The following ARHGAP18 variants were observed in gnomAD, a reference collection of about 807,000 sequenced individuals.
ARHGAP18 encodes Rho GTPase activating protein 18, also known as rho GTPase-activating protein 18.
Under a neutral mutation model 86.2 loss-of-function variants are expected in ARHGAP18, and 67 were observed. That is an observed-to-expected ratio of 0.78 (90% CI 0.64 to 0.95). The LOEUF (loss-of-function observed/expected upper bound fraction) is 0.95, where lower values mean the gene tolerates loss of function less well. Ranked by LOEUF, ARHGAP18 falls within the 40% of genes least tolerant of loss-of-function variation. The pLI, the probability that ARHGAP18 is intolerant of heterozygous loss-of-function variation, is 0.00. For missense variants in ARHGAP18, 691 were observed against 780.4 expected (o/e 0.89, Z 1.37); for synonymous variants, 283 against 280.4 (o/e 1.01, Z -0.09).
At chr6:129,670,987 A>T (rs1257358780) in intron 1 of ARHGAP18, among the ~76,000 whole-genome samples, 2 of 152,138 alleles carry the variant, frequency 1.3e-5, no homozygotes, top group Non-Finnish European at 2.9e-5. Flanking sequence ...ACCTCTTCAA[A>T]TCATAACATT....
At chr6:129,701,590 T>A (rs1355264019) in intron 1 of ARHGAP18, among the ~76,000 whole-genome samples, 1 of 152,018 alleles carries the variant, frequency 6.6e-6, no homozygotes, top group Non-Finnish European at 1.5e-5. Context: ...ACTAACATGG[T>A]GAAACCCCAT....
At chr6:129,656,918 G>A (rs1172860842) in intron 1 of ARHGAP18, among the ~76,000 whole-genome samples, 3 of 152,154 alleles carry the variant, frequency 2.0e-5, no homozygotes, top group Non-Finnish European at 4.4e-5. Flanking sequence ...TGGCCAATGA[G>A]TTTTACTCCT....
intron 5 of ARHGAP18, among the ~76,000 whole-genome samples, chr6:129,625,089 G>GATATATATTTATATATA (rs1185799367): frequency 1.1e-5 from 1 of 94,230 alleles, no homozygotes; most frequent in African/African-American, 4.2e-5. Context: ...TATGATATAT[G>GATATATATTTATATATA]ATATATGATA....
rs1302949146 is a variant in ARHGAP18 at position 129,641,879 on chromosome 6, T to C, written c.253A>G (p.Ile85Val). Residue 85 changes from isoleucine (I) to valine (V), a missense_variant, in exon 2 of 15, where the codon ATC becomes GTC. By Grantham distance (29) the Ile-to-Val change is conservative. Transcript: ENST00000368149. ...TGGCTGTTTTCACTAGATTTCTTGATGTTTTCTAGTTCTATCCAATAGTCT... is the reference window on the plus strand; with the variant it reads ...TGGCTGTTTTCACTAGATTTCTTGACGTTTTCTAGTTCTATCCAATAGTCT... ...MEDYWIELEN[I>V]KKSSENSQED... 3.1e-6 allele frequency: 5 copies of C among 1,613,910 alleles called. No homozygotes were observed. Among genetic ancestry groups the C allele is most frequent in the Non-Finnish European group, 4.2e-6 (5 of 1,179,934 alleles).
intron 12 of ARHGAP18, among the ~76,000 whole-genome samples, chr6:129,595,864 G>A (rs1788606669): frequency 6.6e-6 from 1 of 151,986 alleles, no homozygotes; most frequent in African/African-American, 2.4e-5. Flanking sequence ...CAATTTCTCA[G>A]GCCAAAAATC....
intron 1 of ARHGAP18, among the ~76,000 whole-genome samples, chr6:129,662,735 T>G (rs1281461933): frequency 2.0e-5 from 3 of 152,208 alleles, no homozygotes; most frequent in Non-Finnish European, 4.4e-5. Flanking sequence ...TATGCCTTAA[T>G]TAATTGGTAC....
intron 6 of ARHGAP18, among the ~76,000 whole-genome samples, chr6:129,618,116 A>AC (rs201846434): frequency 2.0e-5 from 3 of 151,274 alleles, no homozygotes; most frequent in South Asian, 2.1e-4. Flanking sequence ...AAAAAAACAA[A>AC]AAAAAAAAAC....
At chr6:129,627,457 T>TC (rs150808900) in intron 5 of ARHGAP18, among the ~76,000 whole-genome samples, 3,008 of 151,724 alleles carry the variant, frequency 0.02, 89 homozygotes, top group African/African-American at 0.068. Flanking sequence ...TAGTCTTGAC[T>TC]CCCCCCCAAA....
chr6:129,662,568 G>T (rs1016732367), intron 1 of ARHGAP18, among the ~76,000 whole-genome samples: 1 of 152,162 alleles, frequency 6.6e-6, no homozygotes, highest in Non-Finnish European at 1.5e-5. Context: ...TAGTCAGATG[G>T]CCTCCTTCGA....
At chr6:129,694,092 A>G (rs1188425108) in intron 1 of ARHGAP18, among the ~76,000 whole-genome samples, 1 of 152,220 alleles carries the variant, frequency 6.6e-6, no homozygotes, top group Non-Finnish European at 1.5e-5. Flanking sequence ...CCAGACTGGC[A>G]TAACTTTCTC....
At chr6:129,672,097 G>GCA (rs367772541) in intron 1 of ARHGAP18, among the ~76,000 whole-genome samples, 19 of 151,692 alleles carry the variant, frequency 1.3e-4, no homozygotes, top group African/African-American at 2.7e-4. Context: ...ACGTACACGC[G>GCA]CACACACACA....
intron 1 of ARHGAP18, among the ~76,000 whole-genome samples, chr6:129,698,171 G>A (rs948597879): frequency 6.6e-6 from 1 of 152,132 alleles, no homozygotes; most frequent in Non-Finnish European, 1.5e-5. Flanking sequence ...CTCCTTCAGA[G>A]CAGGAATTTG....
chr6:129,655,038 C>T (rs530179385), intron 1 of ARHGAP18, among the ~76,000 whole-genome samples: 102 of 152,162 alleles, frequency 6.7e-4, no homozygotes, highest in African/African-American at 2.2e-3. Context: ...AGGAGAGGCT[C>T]GGCCGGGTGC....
intron 1 of ARHGAP18, among the ~76,000 whole-genome samples, chr6:129,644,776 T>C (rs1773545015): frequency 6.6e-6 from 1 of 152,232 alleles, no homozygotes; most frequent in Admixed American, 6.5e-5. Flanking sequence ...TAAATTTCCA[T>C]TAAGATAGCA....
chr6:129,685,472 A>T (rs1774407811), intron 1 of ARHGAP18, among the ~76,000 whole-genome samples: 1 of 151,906 alleles, frequency 6.6e-6, no homozygotes, highest in Admixed American at 6.6e-5. Flanking sequence ...ACACCACTGC[A>T]CTCCACCCTG....
chr6:129,686,938 C>T (rs1389419906), intron 1 of ARHGAP18, among the ~76,000 whole-genome samples: 1 of 150,564 alleles, frequency 6.6e-6, no homozygotes, highest in African/African-American at 2.4e-5. Context: ...TTACAGGCAC[C>T]GGCCACCACA....
Position 129,672,985 on chromosome 6 carries a change from T to G in ARHGAP18, c.114-30967A>C, listed in dbSNP as rs145570301. On this transcript the variant is annotated intron_variant, in intron 1 of 14. Coordinates refer to ENST00000368149, the MANE Select transcript of ARHGAP18 (RefSeq NM_033515.3). ...AACTCAGAGAAGGGAGCAAGCAGTC[T>G]CCAGTGATATAACCAGTTGTCTGCA... Among the ~76,000 whole-genome samples, 23 of 152,274 alleles carry G rather than the reference T, an allele frequency of 1.5e-4. No homozygotes were observed. The East Asian group carries it at 4.1e-3, about 27-fold the overall frequency.
At chr6:129,586,616 C>G (rs1788399506) in intron 12 of ARHGAP18, among the ~76,000 whole-genome samples, 1 of 152,122 alleles carries the variant, frequency 6.6e-6, no homozygotes, top group Admixed American at 6.6e-5. Flanking sequence ...GCAGCCAAAT[C>G]TGCACTGACA....
intron 5 of ARHGAP18, among the ~76,000 whole-genome samples, chr6:129,619,315 GA>G (rs1267308649): frequency 2.0e-3 from 1 of 510 alleles, no homozygotes. Context: ...AGGGGGAGGG[GA>G]AAAGGGGAAG....
Sources: gnomAD v4.1 joint callset for allele counts (sites outside exome capture counted in the v4.1 genomes callset) on GRCh38, gnomAD v4.1.1 for gene constraint, MANE v1.5 for transcripts, NCBI Gene and HGNC (gene_info 2026-07-23, HGNC 2026-07-21) for gene names.